Variants in ALDH1L2 observed in about 807,000 individuals in gnomAD.
ALDH1L2 encodes the protein mitochondrial 10-formyltetrahydrofolate dehydrogenase.
Under a neutral mutation model 111.0 loss-of-function variants are expected in ALDH1L2, and 91 were observed. That is an observed-to-expected ratio of 0.82 (90% CI 0.69 to 0.98). ALDH1L2 has a LOEUF of 0.98. ALDH1L2 is among the 50% of genes least tolerant of loss of function. The pLI is 0.00. For synonymous variants in ALDH1L2, 374 were observed against 392.6 expected (o/e 0.95, Z 0.56); for missense variants, 995 against 1,126.8 (o/e 0.88, Z 1.67).
chr12:105,039,934 G>A (rs1014285442), intron 16 of ALDH1L2, 128 bp from the exon 17 acceptor site: 6 of 708,812 alleles, frequency 8.5e-6, no homozygotes, highest in African/African-American at 7.1e-5. Context: ...ATCGAGACCC[G>A]CCTGACCACC....
chr12:105,074,977 C>T (rs931382828), intron 1 of ALDH1L2, among the ~76,000 whole-genome samples: 1 of 152,212 alleles, frequency 6.6e-6, no homozygotes, highest in African/African-American at 2.4e-5. Flanking sequence ...GCAAATTCAC[C>T]TGCAGATAAT....
At chr12:105,052,262 A>G in intron 11 of ALDH1L2, 45 bp from the exon 12 acceptor site, 1 of 1,507,460 alleles carries the variant, frequency 6.6e-7, no homozygotes, top group Non-Finnish European at 8.9e-7. Context: ...AGATATGAAA[A>G]TATGGTTCTT....
chr12:105,024,299 A>T lies in ALDH1L2; in HGVS notation c.*125T>A, dbSNP rs1874303503. ...GCTTTAACATGGCCTGGCCCTCTTC[A>T]TGGTCCATCTGTGTATTTTTTGGTT... On this transcript the variant is annotated 3_prime_UTR_variant, in exon 23 of 23. Transcript: ENST00000258494. The T allele has an allele frequency of 9.9e-7, 1 of 1,009,046 alleles. No homozygotes were observed. The highest frequency in any genetic ancestry group is 3.0e-4 in the Middle Eastern group (1 of 3,358). The allele number at this position is 1,009,046 out of a possible 1,614,324, so 62.5% of individuals were successfully genotyped here. A position where few individuals can be genotyped will look rare whatever the true frequency, so the allele number is the denominator to read the frequency against.
At chr12:105,071,618 A>ATATATATATATATATATG (rs1877698071) in intron 2 of ALDH1L2, among the ~76,000 whole-genome samples, 1 of 15,274 alleles carries the variant, frequency 6.5e-5, no homozygotes, top group Non-Finnish European at 1.1e-4. Context: ...TAAGTAGTAT[A>ATATATATATATATATATG]TATATATATA....
In ALDH1L2 at chr12:105,022,252, G is replaced by A. The variant is rs1473685037; in HGVS notation, c.*2172C>T. 1.3e-5 allele frequency: 2 copies of A among 152,194 alleles called. No homozygotes were observed. Among genetic ancestry groups the A allele is most frequent in the Non-Finnish European group, 2.9e-5 (2 of 68,046 alleles). 9.4% of individuals were successfully genotyped at this position (152,194 alleles called of 1,614,324 possible). On this transcript the variant is annotated 3_prime_UTR_variant, in exon 23 of 23. Coordinates refer to ENST00000258494, the MANE Select transcript of ALDH1L2 (RefSeq NM_001034173.4). Reference sequence around the variant, plus strand: ...TTTAAAACTTGCTATGGAGAAAGGAGTTCTTAATCTGGGGCCCAAGCATGG... The same window carrying A: ...TTTAAAACTTGCTATGGAGAAAGGAATTCTTAATCTGGGGCCCAAGCATGG...
chr12:105,080,396 G>T, intron 1 of ALDH1L2, among the ~76,000 whole-genome samples: 1 of 152,096 alleles, frequency 6.6e-6, no homozygotes, highest in East Asian at 1.9e-4. Flanking sequence ...TTCATTTTTG[G>T]TATATCATTT....
Position 105,078,694 on chromosome 12 carries a change from A to G in ALDH1L2, c.49-4689T>C, listed in dbSNP as rs186909454. Among the ~76,000 whole-genome samples, 350 of 152,316 alleles carry G rather than the reference A, an allele frequency of 2.3e-3. 4 individuals are homozygous for G. The highest frequency in any genetic ancestry group is 1.5e-3 in the Non-Finnish European group (99 of 68,024). ...AGTCCCTGTACTCGGGAATCCACCA[A>G]CTAGTAGGGAGGGCACACAAGCTAA... On this transcript the variant is annotated intron_variant, in intron 1 of 22. Transcript: ENST00000258494.
chr12:105,056,178 C>A (rs1489184554), intron 10 of ALDH1L2, among the ~76,000 whole-genome samples: 1 of 151,940 alleles, frequency 6.6e-6, no homozygotes, highest in African/African-American at 2.4e-5. Context: ...AGAAGGAACT[C>A]ATCATACAAA....
intron 19 of ALDH1L2, among the ~76,000 whole-genome samples, chr12:105,032,944 C>T (rs1315006415): frequency 6.6e-6 from 1 of 152,172 alleles, no homozygotes; most frequent in Non-Finnish European, 1.5e-5. Context: ...ATAATCTTTA[C>T]TGCACGATGT....
intron 22 of ALDH1L2, 130 bp downstream of exon 22, chr12:105,026,415 C>T (rs1874410792): frequency 5.9e-6 from 6 of 1,020,798 alleles, no homozygotes; most frequent in Non-Finnish European, 8.6e-6. Context: ...AACGAATGCC[C>T]TTCTAAACCC....
intron 12 of ALDH1L2, 30 bp downstream of exon 12, chr12:105,052,059 TA>T: frequency 6.5e-7 from 1 of 1,534,116 alleles, no homozygotes. Flanking sequence ...GTTACTTTTC[TA>T]AAAAATAAAA....
At chr12:105,054,389 C>T (rs976566112) in intron 10 of ALDH1L2, among the ~76,000 whole-genome samples, 6 of 152,220 alleles carry the variant, frequency 3.9e-5, no homozygotes, top group African/African-American at 1.4e-4. Context: ...TCTCAGAACT[C>T]TGGAAATTAG....
intron 21 of ALDH1L2, among the ~76,000 whole-genome samples, chr12:105,028,210 A>C (rs1874517843): frequency 6.6e-6 from 1 of 152,194 alleles, no homozygotes; most frequent in African/African-American, 2.4e-5. Flanking sequence ...TCCCAGGTTC[A>C]AGCAATTCTC....
intron 6 of ALDH1L2, among the ~76,000 whole-genome samples, 182 bp downstream of exon 6, chr12:105,065,085 G>A (rs1055713537): frequency 2.6e-5 from 4 of 152,096 alleles, no homozygotes; most frequent in Non-Finnish European, 4.4e-5. Flanking sequence ...CTTAGATCAG[G>A]CGCTGGATTT....
intron 18 of ALDH1L2, among the ~76,000 whole-genome samples, chr12:105,037,865 A>G (rs1387550814): frequency 6.6e-6 from 1 of 151,918 alleles, no homozygotes; most frequent in Non-Finnish European, 1.5e-5. Context: ...CCTGGGTTCA[A>G]GAGATTCTCC....
At chr12:105,061,417 T>C (rs889545042) in intron 8 of ALDH1L2, among the ~76,000 whole-genome samples, 1 of 152,184 alleles carries the variant, frequency 6.6e-6, no homozygotes, top group Non-Finnish European at 1.5e-5. Context: ...CGTGCCAACC[T>C]GGAACTGCCT....
At chr12:105,058,241 C>G (rs199983053) in intron 9 of ALDH1L2, 21 bp from the exon 10 acceptor site, 1 of 1,582,952 alleles carries the variant, frequency 6.3e-7, no homozygotes, top group Admixed American at 1.9e-5. Context: ...AAACCAGCTT[C>G]GCGTTACTTA....
chr12:105,032,339 G>T (rs551129823), intron 19 of ALDH1L2, among the ~76,000 whole-genome samples: 2 of 151,708 alleles, frequency 1.3e-5, no homozygotes, highest in African/African-American at 2.4e-5. Flanking sequence ...CACTGCGTCC[G>T]GCTATTCTCA....
Position 105,020,022 on chromosome 12 carries a change from A to G in ALDH1L2, c.*4402T>C, listed in dbSNP as rs974487769. 2.6e-5 allele frequency: 4 copies of G among 152,156 alleles called. No homozygotes were observed. Among genetic ancestry groups the G allele is most frequent in the Non-Finnish European group, 5.9e-5 (4 of 68,026 alleles). 9.4% of individuals were successfully genotyped at this position (152,156 alleles called of 1,614,324 possible). On this transcript the variant is annotated 3_prime_UTR_variant, in exon 23 of 23. Transcript: ENST00000258494. ...ATGGTTGAGTCAGTCTTACTTTCCT[A>G]TTTTATAAATGTTTTTTACATCATT...
Sources: allele counts gnomAD v4.1 joint callset (sites outside exome capture counted in the v4.1 genomes callset), GRCh38; gene constraint gnomAD v4.1.1; transcripts MANE v1.5; gene names NCBI Gene and HGNC (gene_info 2026-07-23, HGNC 2026-07-21).